The following FAAH2 variants were observed in gnomAD, a reference collection of about 807,000 sequenced individuals.
FAAH2 encodes the protein fatty-acid amide hydrolase 2.
In FAAH2, 60 loss-of-function variants were observed where a neutral mutation model predicts 36.9. The observed-to-expected ratio is 1.63, with a 90% CI of 1.32 to 2.02. The LOEUF is 2.02. Among genes scored for constraint, FAAH2 ranks in the 30% most tolerant of loss-of-function variants. FAAH2 has a pLI of 0.00. For missense variants in FAAH2, 689 were observed against 397.5 expected (o/e 1.73, Z -6.23); for synonymous variants, 214 against 143.8 (o/e 1.49, Z -3.49).
intron 8 of FAAH2, among the ~76,000 whole-genome samples, chrX:57,439,740 A>T (rs2056505351): frequency 8.9e-6 from 1 of 111,845 alleles, no homozygotes; most frequent in South Asian, 3.7e-4. Flanking sequence ...TTTAGGTCTA[A>T]CGTTTAAGTC....
chrX:57,310,372 T>A (rs142102238), intron 2 of FAAH2, among the ~76,000 whole-genome samples: 1 of 111,820 alleles, frequency 8.9e-6, no homozygotes, highest in East Asian at 2.8e-4. Context: ...ACTGACCAGC[T>A]TTCTGTATGG....
chrX:57,165,886 C>T, the FAAH2 span, among the ~76,000 whole-genome samples: 278 of 110,020 alleles, frequency 2.5e-3, 2 homozygotes, highest in Non-Finnish European at 4.1e-3. Flanking sequence ...GTTTTCACAC[C>T]CAAATGTTGC....
chrX:57,276,694 GAA>G, the FAAH2 span, among the ~76,000 whole-genome samples: 1 of 109,745 alleles, frequency 9.1e-6, no homozygotes, highest in Admixed American at 9.7e-5. Context: ...TAATATAGAA[GAA>G]AAAAGAGAAG....
intron 1 of FAAH2, among the ~76,000 whole-genome samples, chrX:57,289,914 T>A (rs776081273): frequency 2.5e-4 from 28 of 110,703 alleles, no homozygotes; most frequent in Non-Finnish European, 5.3e-4. Flanking sequence ...TTTGTACTTT[T>A]CTGTAGTGAA....
At chrX:57,394,777 A>AACC in intron 7 of FAAH2, 1 of 961,699 alleles carries the variant, frequency 1.0e-6, no homozygotes, top group Non-Finnish European at 1.5e-6. Flanking sequence ...GACCAGTTGC[A>AACC]ACCACCAGGA....
chrX:57,411,587 C>T (rs2055702198), intron 7 of FAAH2, among the ~76,000 whole-genome samples: 1 of 111,708 alleles, frequency 9.0e-6, no homozygotes, highest in African/African-American at 3.3e-5. Flanking sequence ...CTCTCCTTTT[C>T]ACTGCTCCTA....
the FAAH2 span, among the ~76,000 whole-genome samples, chrX:57,216,270 C>T: frequency 1.7e-4 from 18 of 105,321 alleles, 1 homozygote; most frequent in Admixed American, 1.9e-3. Flanking sequence ...CTCTCTTTTG[C>T]CCCTCTCCCA....
In FAAH2 at chrX:57,408,885, A is replaced by G. The variant is rs2055632473; in HGVS notation, c.997-23033A>G. On this transcript the variant is annotated intron_variant, in intron 7 of 10. Transcript: ENST00000374900. ...GTGTCATGTTTATTGATTTTCATAT[A>G]CAGACTTGTGTCCCTTAACTATGGG... Among the ~76,000 whole-genome samples, 5 of 111,763 alleles carry G rather than the reference A, an allele frequency of 4.5e-5. No homozygotes were observed. In the South Asian group the frequency reaches 1.8e-3, roughly 41 times the overall value.
intron 10 of FAAH2, among the ~76,000 whole-genome samples, chrX:57,479,656 G>A (rs769108809): frequency 4.5e-5 from 5 of 111,333 alleles, no homozygotes; most frequent in East Asian, 5.7e-4. Flanking sequence ...TTTGAGATAC[G>A]TCCCATCAAT....
At chrX:57,191,863 C>A in the FAAH2 span, among the ~76,000 whole-genome samples, 1 of 111,798 alleles carries the variant, frequency 8.9e-6, no homozygotes, top group Non-Finnish European at 1.9e-5. Context: ...ATGCAAGAAC[C>A]ATGCTGTTTT....
chrX:57,404,607 A>T (rs1464474130), intron 7 of FAAH2, among the ~76,000 whole-genome samples: 1 of 111,828 alleles, frequency 8.9e-6, no homozygotes, highest in Non-Finnish European at 1.9e-5. Flanking sequence ...CCCTGGGTTC[A>T]TAGCCTAGGG....
chrX:57,241,775 T>C, the FAAH2 span, among the ~76,000 whole-genome samples: 5 of 111,728 alleles, frequency 4.5e-5, no homozygotes, highest in East Asian at 1.4e-3. Context: ...CTCCCACTTA[T>C]AAGTAAGAAC....
At chrX:57,410,186 A>G (rs1315741527) in intron 7 of FAAH2, among the ~76,000 whole-genome samples, 2 of 110,268 alleles carry the variant, frequency 1.8e-5, no homozygotes, top group Non-Finnish European at 3.8e-5. Flanking sequence ...CTAATTTTCT[A>G]AATTGATTTT....
At chrX:57,395,276 G>A in intron 7 of FAAH2, 1 of 659,268 alleles carries the variant, frequency 1.5e-6, no homozygotes, top group South Asian at 2.1e-5. Context: ...AATCATCTCT[G>A]TTGCCAACCT....
the FAAH2 span, among the ~76,000 whole-genome samples, chrX:57,251,219 T>A: frequency 8.9e-6 from 1 of 112,356 alleles, no homozygotes; most frequent in Admixed American, 9.5e-5. Context: ...ATAAATGTGA[T>A]ACATTACTTT....
chrX:57,187,305 G>A, the FAAH2 span, among the ~76,000 whole-genome samples: 1 of 110,531 alleles, frequency 9.0e-6, no homozygotes, highest in Non-Finnish European at 1.9e-5. Context: ...GTATTTCTAG[G>A]TATTTTATTT....
chrX:57,416,527 T>A (rs1160344112), intron 7 of FAAH2, among the ~76,000 whole-genome samples: 1 of 112,150 alleles, frequency 8.9e-6, no homozygotes, highest in Non-Finnish European at 1.9e-5. Context: ...GGTTGAAAAT[T>A]ATTTTCTTTA....
the FAAH2 span, among the ~76,000 whole-genome samples, chrX:57,276,340 A>G: frequency 4.8e-3 from 538 of 112,319 alleles, 3 homozygotes; most frequent in African/African-American, 0.016. Context: ...AAATAATGAA[A>G]TGAAGGCAGA....
At chrX:57,246,783 T>G in the FAAH2 span, among the ~76,000 whole-genome samples, 2 of 111,739 alleles carry the variant, frequency 1.8e-5, no homozygotes, top group African/African-American at 6.5e-5. Context: ...ATGGTGAGTA[T>G]GCAGTAAAAA....
Sources: allele counts gnomAD v4.1 joint callset (sites outside exome capture counted in the v4.1 genomes callset), GRCh38; gene constraint gnomAD v4.1.1; transcripts MANE v1.5; gene names NCBI Gene and HGNC (gene_info 2026-07-23, HGNC 2026-07-21).